PDZD2: variants seen among roughly 807,000 people sequenced by gnomAD.
PDZD2 encodes PDZ domain-containing protein 2.
PDZD2 carries 90 observed loss-of-function variants against 220.7 expected under a neutral mutation model. The observed-to-expected ratio is 0.41, with a 90% CI of 0.34 to 0.49. The LOEUF (loss-of-function observed/expected upper bound fraction) is 0.49, where lower values mean the gene tolerates loss of function less well. Among genes scored for constraint, PDZD2 ranks in the 20% least tolerant of loss-of-function variants. The probability of loss-of-function intolerance (pLI) is 0.28; values close to 1 mark genes in which losing one functional copy is unlikely to be tolerated. For synonymous variants in PDZD2, 1,375 were observed against 1,450.5 expected (o/e 0.95, Z 1.18); for missense variants, 3,174 against 3,608.5 (o/e 0.88, Z 3.08).
At chr5:31,718,825 C>T (rs1481204739) in intron 1 of PDZD2, among the ~76,000 whole-genome samples, 9 of 151,826 alleles carry the variant, frequency 5.9e-5, no homozygotes, top group South Asian at 2.1e-4. Context: ...CTCAGCCTCC[C>T]GAGTAGCTGG....
chr5:31,848,500 G>A (rs896087041), intron 2 of PDZD2, among the ~76,000 whole-genome samples: 14 of 152,242 alleles, frequency 9.2e-5, no homozygotes, highest in South Asian at 4.1e-4. Context: ...TGTAATCCCA[G>A]CACTTTGGGA....
intron 19 of PDZD2, among the ~76,000 whole-genome samples, chr5:32,086,843 A>ATTTTT (rs10710224): frequency 2.9e-4 from 25 of 85,208 alleles, no homozygotes; most frequent in Non-Finnish European, 4.8e-4. Flanking sequence ...TGCCCAGCTA[A>ATTTTT]TTTTTTTTTT....
intron 13 of PDZD2, among the ~76,000 whole-genome samples, chr5:32,060,159 TTAGAG>T (rs1739530352): frequency 6.6e-6 from 1 of 151,042 alleles, no homozygotes; most frequent in African/African-American, 2.4e-5. Flanking sequence ...TAGTTAATCA[TTAGAG>T]TAAATTTCCA....
intron 1 of PDZD2, among the ~76,000 whole-genome samples, chr5:31,659,865 G>A (rs1157410074): frequency 1.3e-5 from 2 of 152,198 alleles, no homozygotes; most frequent in Non-Finnish European, 2.9e-5. Flanking sequence ...ATTGAGCTGG[G>A]TGGCTTCAAA....
At chr5:31,947,040 C>T (rs1746699179) in intron 2 of PDZD2, among the ~76,000 whole-genome samples, 1 of 152,130 alleles carries the variant, frequency 6.6e-6, no homozygotes, top group Non-Finnish European at 1.5e-5. Flanking sequence ...TTGGAAACCA[C>T]CACTGTAGAC....
intron 2 of PDZD2, among the ~76,000 whole-genome samples, chr5:31,927,147 C>G (rs1744858085): frequency 6.6e-6 from 1 of 152,158 alleles, no homozygotes; most frequent in Non-Finnish European, 1.5e-5. Context: ...CAGTTGTACT[C>G]TATACCTCAG....
intron 6 of PDZD2, 73 bp from the exon 7 acceptor site, chr5:32,037,158 A>G: frequency 1.1e-6 from 1 of 911,866 alleles, no homozygotes; most frequent in Non-Finnish European, 1.8e-6. Context: ...TTGAGATAAC[A>G]TTGTGGAGGG....
intron 1 of PDZD2, among the ~76,000 whole-genome samples, chr5:31,743,642 A>G (rs1314046603): frequency 6.6e-6 from 1 of 152,166 alleles, no homozygotes; most frequent in Non-Finnish European, 1.5e-5. Context: ...AGGCAGGCCT[A>G]TGGCATCCAG....
intron 5 of PDZD2, among the ~76,000 whole-genome samples, chr5:32,009,311 C>T (rs1180396631): frequency 6.6e-6 from 1 of 150,794 alleles, no homozygotes; most frequent in Non-Finnish European, 1.5e-5. Flanking sequence ...CCACTGCACT[C>T]CAGCCTGGGC....
chr5:31,849,931 TACAC>T (rs1165109458), intron 2 of PDZD2, among the ~76,000 whole-genome samples: 2 of 20,016 alleles, frequency 1.0e-4, no homozygotes, highest in African/African-American at 5.5e-4. Context: ...TATATATATA[TACAC>T]ATATATATAT....
intron 19 of PDZD2, among the ~76,000 whole-genome samples, chr5:32,081,672 T>G (rs1313766234): frequency 2.0e-5 from 3 of 152,222 alleles, no homozygotes; most frequent in Non-Finnish European, 2.9e-5. Context: ...TTATTACAAA[T>G]AGCTGCTTTC....
chr5:32,089,413 C>T lies in PDZD2; in HGVS notation c.5965C>T (p.Pro1989Ser). ...GACATTTGTCTCGCCCCTGACCTCT[C>T]CCAAGCCTGTTCCTGAGCAAGGCAT... ...IRTFVSPLTS[P>S]KPVPEQGMWS... The change falls in exon 20 of 25, where the codon CCC becomes TCC. Residue 1989 changes from proline (P) to serine (S), a missense_variant. Pro to Ser is a moderately conservative substitution (Grantham distance 74). This residue lies in a region of PDZD2 where 1,861 missense variants were observed against 2,001.0 expected (regional missense o/e 0.93). Coordinates refer to ENST00000438447, the MANE Select transcript of PDZD2 (RefSeq NM_178140.4). 6.2e-7 allele frequency: 1 copy of T among 1,614,068 alleles called. No individual in the cohort carries two copies. The highest frequency in any genetic ancestry group is 8.5e-7 in the Non-Finnish European group (1 of 1,180,028).
At chr5:32,019,566 T>C (rs1754034145) in intron 6 of PDZD2, among the ~76,000 whole-genome samples, 1 of 152,226 alleles carries the variant, frequency 6.6e-6, no homozygotes, top group South Asian at 2.1e-4. Context: ...TAGTAGAATG[T>C]ATGTAGGTCT....
Position 31,988,667 on chromosome 5 carries a change from C to T in PDZD2, c.978+5011C>T, listed in dbSNP as rs1750921023. ...GCAAGCTTCTCATGGCCTGTCCTTT[C>T]TGGTAACTAACCCCCGTCTGGAAGC... is the stretch of plus-strand genomic sequence containing the variant. On this transcript the variant is annotated intron_variant, in intron 3 of 24. Transcript: ENST00000438447. Among the ~76,000 whole-genome samples the T allele has an allele frequency of 2.6e-5, 4 of 152,174 alleles. No individual in the cohort carries two copies. The South Asian group carries it at 8.3e-4, about 31-fold the overall frequency.
At chr5:31,810,480 T>A (rs548665672) in intron 2 of PDZD2, among the ~76,000 whole-genome samples, 4 of 152,324 alleles carry the variant, frequency 2.6e-5, no homozygotes, top group Middle Eastern at 3.4e-3. Flanking sequence ...TTACCCAGGA[T>A]GGTCTGGATC....
intron 2 of PDZD2, among the ~76,000 whole-genome samples, chr5:31,967,562 C>T (rs960564867): frequency 1.3e-5 from 2 of 152,122 alleles, no homozygotes; most frequent in Non-Finnish European, 2.9e-5. Context: ...GGTGTGGTGG[C>T]CTTGAGGTTA....
chr5:32,079,974 G>A (rs1482700151), intron 19 of PDZD2, among the ~76,000 whole-genome samples: 5 of 151,962 alleles, frequency 3.3e-5, no homozygotes, highest in East Asian at 3.9e-4. Flanking sequence ...TTTCTCTTTC[G>A]GGTTCACATT....
chr5:32,035,966 CAG>C (rs1391453070), intron 6 of PDZD2, among the ~76,000 whole-genome samples: 2 of 151,768 alleles, frequency 1.3e-5, no homozygotes, highest in African/African-American at 4.8e-5. Flanking sequence ...TGTTTTGAGA[CAG>C]AGTCTCGCTC....
chr5:31,821,391 T>TATTATTA (rs200302561), intron 2 of PDZD2, among the ~76,000 whole-genome samples: 6 of 147,980 alleles, frequency 4.1e-5, no homozygotes, highest in South Asian at 2.1e-4. Flanking sequence ...ATTATTATTT[T>TATTATTA]TTTTTTTTGA....
Sources: allele counts gnomAD v4.1 joint callset (sites outside exome capture counted in the v4.1 genomes callset), GRCh38; gene constraint gnomAD v4.1.1; regional missense constraint gnomAD v4.1.1; transcripts MANE v1.5; gene names NCBI Gene and HGNC (gene_info 2026-07-23, HGNC 2026-07-21).